Variants in BCAS3 observed in about 807,000 individuals in gnomAD.
BCAS3 encodes BCAS4/BCAS3 fusion.
Under a neutral mutation model 116.1 loss-of-function variants are expected in BCAS3, and 53 were observed. That is an observed-to-expected ratio of 0.46 (90% CI 0.37 to 0.57). The LOEUF is 0.57. Ranked by LOEUF, BCAS3 falls within the 20% of genes least tolerant of loss-of-function variation. The pLI is 0.00. For missense variants in BCAS3, 917 were observed against 1,165.4 expected (o/e 0.79, Z 3.10); for synonymous variants, 391 against 408.2 (o/e 0.96, Z 0.51).
At position 60,770,400 on chromosome 17, in the gene BCAS3, C is replaced by CTTTTTTT. The variant is rs35691381; in HGVS notation, c.403+23152_403+23158dup. Among the ~76,000 whole-genome samples the CTTTTTTT allele has an allele frequency of 1.0e-4, 8 of 76,904 alleles. 1 individual carries two copies. The highest frequency in any genetic ancestry group is 5.2e-4 in the East Asian group (1 of 1,918). The allele number at this position is 76,904 out of a possible 152,430, so 50.5% of individuals were successfully genotyped here. On this transcript the variant is annotated intron_variant, in intron 6 of 23. Transcript: ENST00000407086. ...CGCCTCTCTCATCCCAGTGTTCCCTCTTTTTTTTTTTTTTTTTTTTTTTTT... is the reference window on the plus strand; with the variant it reads ...CGCCTCTCTCATCCCAGTGTTCCCTCTTTTTTTTTTTTTTTTTTTTTTTTTTTTTTTT...
At chr17:60,824,096 C>T (rs1056479327) in intron 7 of BCAS3, among the ~76,000 whole-genome samples, 1 of 152,070 alleles carries the variant, frequency 6.6e-6, no homozygotes. Flanking sequence ...ATTTTTCTTT[C>T]TCTTGAGTAA....
chr17:60,987,766 T>G (rs967394201), intron 14 of BCAS3, among the ~76,000 whole-genome samples: 4 of 152,162 alleles, frequency 2.6e-5, no homozygotes, highest in Non-Finnish European at 5.9e-5. Flanking sequence ...TAAGATCATA[T>G]GATCTGCAAA....
At chr17:60,875,494 A>G (rs189190665) in intron 9 of BCAS3, among the ~76,000 whole-genome samples, 2 of 152,232 alleles carry the variant, frequency 1.3e-5, no homozygotes, top group Admixed American at 1.3e-4. Flanking sequence ...TCGTATTACC[A>G]ATTTTACTAT....
At chr17:60,955,168 T>C (rs1421794643) in intron 14 of BCAS3, among the ~76,000 whole-genome samples, 1 of 152,158 alleles carries the variant, frequency 6.6e-6, no homozygotes, top group Non-Finnish European at 1.5e-5. Flanking sequence ...GGCAGATACA[T>C]TTTTTTCCTT....
Position 61,251,753 on chromosome 17 carries a change from GAAAAGGC to G in BCAS3, c.2426-116573_2426-116567del, listed in dbSNP as rs2048384420. Among the ~76,000 whole-genome samples, 1 of 152,130 alleles carries G rather than the reference GAAAAGGC, an allele frequency of 6.6e-6. No individual in the cohort carries two copies. Among genetic ancestry groups the G allele is most frequent in the Non-Finnish European group, 1.5e-5 (1 of 68,018 alleles). On this transcript the variant is annotated intron_variant, in intron 22 of 23. Coordinates refer to ENST00000407086, the MANE Select transcript of BCAS3 (RefSeq NM_017679.5). This position sits in a 1 kb window ranked among gnomAD's most constrained non-coding sequence, Gnocchi z 4.7. ...CCCATAAAAAAGCAATAGCAACTGGGAAAAGGCTAGACTGCTAGGTTCCCAGCTATAC... is the reference window on the plus strand; with the variant it reads ...CCCATAAAAAAGCAATAGCAACTGGGTAGACTGCTAGGTTCCCAGCTATAC...
chr17:60,941,832 TGAG>T (rs371801526), intron 13 of BCAS3, among the ~76,000 whole-genome samples: 1 of 152,210 alleles, frequency 6.6e-6, no homozygotes, highest in African/African-American at 2.4e-5. Context: ...ATTTGGCAAA[TGAG>T]GACCTTTATT....
intron 12 of BCAS3, among the ~76,000 whole-genome samples, chr17:60,919,597 A>G (rs1336834931): frequency 6.6e-6 from 1 of 151,938 alleles, no homozygotes; most frequent in Non-Finnish European, 1.5e-5. Flanking sequence ...TGCTGGGATT[A>G]TAGGCGTGAG....
intron 5 of BCAS3, among the ~76,000 whole-genome samples, chr17:60,721,619 A>G (rs1039484514): frequency 6.6e-6 from 1 of 152,110 alleles, no homozygotes; most frequent in East Asian, 1.9e-4. Flanking sequence ...GATCTTTTTG[A>G]TGATTTTCTA....
intron 10 of BCAS3, among the ~76,000 whole-genome samples, chr17:60,892,914 C>T (rs1316907404): frequency 6.6e-6 from 1 of 152,022 alleles, no homozygotes; most frequent in African/African-American, 2.4e-5. Flanking sequence ...AAGAATGAAA[C>T]TCTGTCTCAA....
intron 13 of BCAS3, among the ~76,000 whole-genome samples, chr17:60,942,933 G>A (rs1037342414): frequency 1.3e-5 from 2 of 152,066 alleles, no homozygotes; most frequent in African/African-American, 4.8e-5. Flanking sequence ...GGCACATAAA[G>A]TTAGATATGT....
At chr17:61,295,722 G>A (rs997270704) in intron 22 of BCAS3, among the ~76,000 whole-genome samples, 2 of 151,976 alleles carry the variant, frequency 1.3e-5, no homozygotes, top group Non-Finnish European at 2.9e-5. Context: ...GGAGGCCGAG[G>A]CGGGTGGATC....
chr17:60,980,250 C>A (rs558463912), intron 14 of BCAS3, among the ~76,000 whole-genome samples: 1 of 152,226 alleles, frequency 6.6e-6, no homozygotes, highest in South Asian at 2.1e-4. Flanking sequence ...TTATATTTCC[C>A]CTATGGAAAT....
intron 22 of BCAS3, among the ~76,000 whole-genome samples, chr17:61,099,472 C>T (rs2074187293): frequency 6.6e-6 from 1 of 152,150 alleles, no homozygotes; most frequent in South Asian, 2.1e-4. Flanking sequence ...TGACTTAAAC[C>T]TGGTCCTCAG....
chr17:60,728,518 C>T (rs866839195), intron 5 of BCAS3, among the ~76,000 whole-genome samples: 2 of 151,696 alleles, frequency 1.3e-5, no homozygotes, highest in African/African-American at 2.4e-5. Flanking sequence ...CTCACTTTGT[C>T]GCCTAGGCTG....
chr17:60,740,118 G>A (rs1358245713), intron 5 of BCAS3, among the ~76,000 whole-genome samples: 1 of 152,020 alleles, frequency 6.6e-6, no homozygotes, highest in African/African-American at 2.4e-5. Context: ...GAGCTTACCA[G>A]TTCTGATTCT....
rs190804070 is a variant in BCAS3, at chr17:60,765,792, G to C, written c.403+18513G>C. On this transcript the variant is annotated intron_variant, in intron 6 of 23. Transcript: ENST00000407086. The stretch of plus-strand genomic sequence containing the variant: ...ATAATATCCTGAAGAGTGTTTTCCA[G>C]CTTGGTTCCATTCTCCTGTCGCTTT... 1.8e-3 allele frequency among the ~76,000 whole-genome samples: 271 copies of C among 152,280 alleles called. 1 individual carries two copies. Among genetic ancestry groups the C allele is most frequent in the Admixed American group, 3.3e-3 (51 of 15,292 alleles).
intron 4 of BCAS3, among the ~76,000 whole-genome samples, chr17:60,695,281 T>C (rs1185770674): frequency 6.6e-6 from 1 of 152,034 alleles, no homozygotes; most frequent in African/African-American, 2.4e-5. Context: ...CCATCACACC[T>C]AGCTAATTTT....
At chr17:61,288,796 A>G (rs2052087317) in intron 22 of BCAS3, among the ~76,000 whole-genome samples, 1 of 152,214 alleles carries the variant, frequency 6.6e-6, no homozygotes, top group South Asian at 2.1e-4. Context: ...CCATGGGCGA[A>G]AGGGCTGTAC....
Position 61,261,642 on chromosome 17 carries a change from A to C in BCAS3, c.2426-106685A>C, listed in dbSNP as rs972016078. ...TGATGTGACCATCTCCACGATTTCTAGTGTACAAATTGATGGTTGCATATA... is the reference window on the plus strand; with the variant it reads ...TGATGTGACCATCTCCACGATTTCTCGTGTACAAATTGATGGTTGCATATA... On this transcript the variant is annotated intron_variant, in intron 22 of 23. Coordinates refer to ENST00000407086, the MANE Select transcript of BCAS3 (RefSeq NM_017679.5). This position sits in a 1 kb window ranked among gnomAD's most constrained non-coding sequence, Gnocchi z 4.4. Among the ~76,000 whole-genome samples, 12 of 152,212 alleles carry C rather than the reference A, an allele frequency of 7.9e-5. No individual in the cohort carries two copies. Among genetic ancestry groups the C allele is most frequent in the Non-Finnish European group, 1.3e-4 (9 of 68,042 alleles).
Sources: allele counts gnomAD v4.1 joint callset (sites outside exome capture counted in the v4.1 genomes callset), GRCh38; gene constraint gnomAD v4.1.1; non-coding constraint Gnocchi (gnomAD v3.1); transcripts MANE v1.5; gene names NCBI Gene and HGNC (gene_info 2026-07-23, HGNC 2026-07-21).